Variants in KCNJ6 observed in about 807,000 individuals in gnomAD.
KCNJ6 encodes the protein G protein-activated inward rectifier potassium channel 2.
In KCNJ6, 9 loss-of-function variants were observed where a neutral mutation model predicts 34.2. The ratio of observed to expected loss-of-function variants is 0.26; its 90% CI spans 0.16 to 0.46. The LOEUF is 0.46. Ranked by LOEUF, KCNJ6 falls within the 20% of genes least tolerant of loss-of-function variation. The pLI is 1.00. For missense variants in KCNJ6, 236 were observed against 531.3 expected (o/e 0.44, Z 5.46); for synonymous variants, 196 against 207.1 (o/e 0.95, Z 0.46).
chr21:37,790,631 C>A (rs1020125101), intron 2 of KCNJ6, among the ~76,000 whole-genome samples: 4 of 152,158 alleles, frequency 2.6e-5, no homozygotes, highest in East Asian at 1.9e-4. Flanking sequence ...GTTTTTATAA[C>A]AAAACCAATC....
chr21:37,909,648 G>A (rs2055858023), intron 1 of KCNJ6, among the ~76,000 whole-genome samples: 1 of 152,152 alleles, frequency 6.6e-6, no homozygotes, highest in African/African-American at 2.4e-5. Context: ...GGGATTATAG[G>A]TGTAAGCCAC....
chr21:37,626,413 C>T (rs183123597), intron 3 of KCNJ6, among the ~76,000 whole-genome samples: 115 of 152,268 alleles, frequency 7.6e-4, no homozygotes, highest in Admixed American at 1.9e-3. Flanking sequence ...GGATTACAGG[C>T]GTGAGCCACT....
chr21:37,741,826 C>T (rs906685763), intron 2 of KCNJ6, among the ~76,000 whole-genome samples: 3 of 152,362 alleles, frequency 2.0e-5, no homozygotes, highest in African/African-American at 7.2e-5. Context: ...GCTTCCTTTT[C>T]CTAAAAGCCT....
At chr21:37,798,194 G>A (rs553482488) in intron 2 of KCNJ6, among the ~76,000 whole-genome samples, 26 of 152,290 alleles carry the variant, frequency 1.7e-4, no homozygotes, top group Non-Finnish European at 8.8e-5. Context: ...ATCTGGCCTT[G>A]GAACACGTGG....
rs114092690 is a variant in KCNJ6 at position 37,898,797 on chromosome 21, G to T, written c.-28+17087C>A. Among the ~76,000 whole-genome samples, 744 of 152,184 alleles carry T rather than the reference G, an allele frequency of 4.9e-3. 13 individuals are homozygous for T. The highest frequency in any genetic ancestry group is 0.017 in the African/African-American group (709 of 41,528). ...AGCACTGGATACAGAGGTATTAGAA[G>T]AACTGAATTGTTATAATATTTGTGA... On this transcript the variant is annotated intron_variant, in intron 1 of 3. Coordinates refer to ENST00000609713, the MANE Select transcript of KCNJ6 (RefSeq NM_002240.5).
chr21:37,608,308 T>G lies in KCNJ6; in HGVS notation c.*16851A>C, dbSNP rs1024169038. 6.6e-6 allele frequency: 1 copy of G among 152,308 alleles called. No individual in the cohort carries two copies. Among genetic ancestry groups the G allele is most frequent in the Non-Finnish European group, 1.5e-5 (1 of 68,104 alleles). 9.4% of individuals were successfully genotyped at this position (152,308 alleles called of 1,614,324 possible). ...GCTGGCCTTGCAAACTGAAATGCCT[T>G]TGCTTTTGGATCTCTCTCTCTCTTT... On this transcript the variant is annotated 3_prime_UTR_variant, in exon 4 of 4. Coordinates refer to ENST00000609713, the MANE Select transcript of KCNJ6 (RefSeq NM_002240.5).
Position 37,622,347 on chromosome 21 carries a change from G to C in KCNJ6, c.*2812C>G, listed in dbSNP as rs115852509. On this transcript the variant is annotated 3_prime_UTR_variant, in exon 4 of 4. Transcript: ENST00000609713. ...GCGGAATAGAATGAGTGGAAATTGT[G>C]GGGTCAATTTTGTTGAGCTGTCTTA... 3 of 152,148 alleles carry C rather than the reference G, an allele frequency of 2.0e-5. No homozygotes were observed. The highest frequency in any genetic ancestry group is 7.2e-5 in the African/African-American group (3 of 41,434). 9.4% of individuals were successfully genotyped at this position (152,148 alleles called of 1,614,324 possible).
chr21:37,702,232 C>CTCA (rs2054695010), intron 3 of KCNJ6, among the ~76,000 whole-genome samples: 2 of 10,282 alleles, frequency 1.9e-4, no homozygotes, highest in South Asian at 4.1e-3. Flanking sequence ...GATTTTGTCT[C>CTCA]ACAAAAAAAA....
In KCNJ6 at chr21:37,760,341, G is replaced by A. The variant is rs553257271; in HGVS notation, c.26-45210C>T. 3.9e-5 allele frequency among the ~76,000 whole-genome samples: 6 copies of A among 152,294 alleles called. No homozygotes were observed. The East Asian group carries it at 5.8e-4, about 15-fold the overall frequency. On this transcript the variant is annotated intron_variant, in intron 2 of 3. Transcript: ENST00000609713. ...AACTGAGCCACAGAGAATTTACACG[G>A]CTCACCTAAGGCCACACAGAGTCAG...
At chr21:37,879,818 C>T (rs992372323) in intron 1 of KCNJ6, among the ~76,000 whole-genome samples, 2 of 150,416 alleles carry the variant, frequency 1.3e-5, no homozygotes, top group Non-Finnish European at 3.0e-5. Context: ...AGAGATGGTT[C>T]CAGGTTGGAT....
rs1405026451 is a variant in KCNJ6, at chr21:37,615,123, G to C, written c.*10036C>G. On this transcript the variant is annotated 3_prime_UTR_variant, in exon 4 of 4. Transcript: ENST00000609713. Reference sequence around the variant, plus strand: ...CCCATGAGACACAGCAAGCTGACCAGGTAAACTATGGACCCTGGGATCTTG... The same window carrying C: ...CCCATGAGACACAGCAAGCTGACCACGTAAACTATGGACCCTGGGATCTTG... 6.6e-6 allele frequency: 1 copy of C among 152,114 alleles called. No homozygotes were observed. The highest frequency in any genetic ancestry group is 1.5e-5 in the Non-Finnish European group (1 of 68,050). The allele number at this position is 152,114 out of a possible 1,614,324, so 9.4% of individuals were successfully genotyped here.
At chr21:37,770,940 C>T (rs938470986) in intron 2 of KCNJ6, among the ~76,000 whole-genome samples, 2 of 152,072 alleles carry the variant, frequency 1.3e-5, no homozygotes, top group Non-Finnish European at 2.9e-5. Context: ...TATATCTCAG[C>T]ATTTAAAGTG....
At chr21:37,858,606 C>A (rs780782825) in intron 1 of KCNJ6, among the ~76,000 whole-genome samples, 1 of 152,002 alleles carries the variant, frequency 6.6e-6, no homozygotes, top group Non-Finnish European at 1.5e-5. Context: ...CTATCTTTAG[C>A]CTTCTCTCTA....
At chr21:37,906,732 C>G (rs1456805311) in intron 1 of KCNJ6, among the ~76,000 whole-genome samples, 2 of 152,164 alleles carry the variant, frequency 1.3e-5, no homozygotes, top group Non-Finnish European at 2.9e-5. Context: ...GGGCCCAACA[C>G]TCCTTGAGTG....
Position 37,714,974 on chromosome 21 carries a change from T to C in KCNJ6, c.183A>G (p.Gly61=). 1.2e-6 allele frequency: 2 copies of C among 1,614,236 alleles called. No homozygotes were observed. Among genetic ancestry groups the C allele is most frequent in the Non-Finnish European group, 1.7e-6 (2 of 1,180,046 alleles). Residue 61 remains glycine, a synonymous_variant, in exon 3 of 4, where the codon GGA becomes GGG. Coordinates refer to ENST00000609713, the MANE Select transcript of KCNJ6 (RefSeq NM_002240.5). This position sits in a 1 kb window ranked among gnomAD's most constrained non-coding sequence, Gnocchi z 5.9. ...CGTTGCCGTGATGAACATTGCACTT[T>C]CCGTCTTTCCTCACGTACCTCTGGA... ...RKIQRYVRKD[G]KCNVHHGNVR...
At chr21:37,741,789 C>T (rs1015025468) in intron 2 of KCNJ6, among the ~76,000 whole-genome samples, 9 of 152,242 alleles carry the variant, frequency 5.9e-5, no homozygotes, top group East Asian at 1.9e-4. Flanking sequence ...TCTTTCACCC[C>T]ACTGCCAACA....
At chr21:37,794,635 C>T (rs1052145071) in intron 2 of KCNJ6, among the ~76,000 whole-genome samples, 2 of 152,046 alleles carry the variant, frequency 1.3e-5, no homozygotes, top group African/African-American at 4.8e-5. Context: ...GAACAGAGAA[C>T]CAAACACCAC....
chr21:37,730,784 C>T (rs538299710), intron 2 of KCNJ6, among the ~76,000 whole-genome samples: 29 of 152,248 alleles, frequency 1.9e-4, no homozygotes, highest in Non-Finnish European at 2.6e-4. Flanking sequence ...AGACAGAGGC[C>T]AACGGTGGCT....
chr21:37,645,356 C>G (rs1212232683), intron 3 of KCNJ6, among the ~76,000 whole-genome samples: 1 of 152,132 alleles, frequency 6.6e-6, no homozygotes, highest in African/African-American at 2.4e-5. Flanking sequence ...TACAGCAAGA[C>G]TCTGTCTTTA....
Sources: gnomAD v4.1 joint callset for allele counts (sites outside exome capture counted in the v4.1 genomes callset) on GRCh38, gnomAD v4.1.1 for gene constraint, Gnocchi (gnomAD v3.1) non-coding constraint, MANE v1.5 for transcripts, NCBI Gene and HGNC (gene_info 2026-07-23, HGNC 2026-07-21) for gene names.